GSK3B: variants seen among roughly 807,000 people sequenced by gnomAD.
The protein encoded by GSK3B is glycogen synthase kinase 3 beta, also known as glycogen synthase kinase-3 beta.
GSK3B carries 15 observed loss-of-function variants against 56.4 expected under a neutral mutation model. The observed-to-expected ratio is 0.27, with a 90% CI of 0.18 to 0.41. The LOEUF (loss-of-function observed/expected upper bound fraction) is 0.41, where lower values mean the gene tolerates loss of function less well. GSK3B is among the 10% of genes least tolerant of loss of function. The pLI, the probability that GSK3B is intolerant of heterozygous loss-of-function variation, is 1.00. For synonymous variants in GSK3B, 181 were observed against 188.9 expected (o/e 0.96, Z 0.34); for missense variants, 300 against 513.4 (o/e 0.58, Z 4.02).
chr3:119,917,541 A>G (rs2056793478), intron 4 of GSK3B, among the ~76,000 whole-genome samples: 1 of 152,092 alleles, frequency 6.6e-6, no homozygotes, highest in Non-Finnish European at 1.5e-5. Flanking sequence ...CATTACCACT[A>G]AAAAGATAAC....
At chr3:119,877,471 A>C (rs930640034) in intron 7 of GSK3B, among the ~76,000 whole-genome samples, 3 of 152,154 alleles carry the variant, frequency 2.0e-5, no homozygotes, top group African/African-American at 7.2e-5. Context: ...ATTCTTCATT[A>C]ATGTATTTTT....
chr3:119,946,143 T>C (rs1033244756), intron 3 of GSK3B, among the ~76,000 whole-genome samples: 1 of 151,480 alleles, frequency 6.6e-6, no homozygotes, highest in Non-Finnish European at 1.5e-5. Context: ...TTGCTAACTA[T>C]AGTTGTTAAA....
At chr3:120,091,392 G>A (rs1294608271) in intron 1 of GSK3B, among the ~76,000 whole-genome samples, 2 of 151,980 alleles carry the variant, frequency 1.3e-5, no homozygotes, top group Non-Finnish European at 2.9e-5. Flanking sequence ...TATGGTAATC[G>A]GAATTAAACA....
chr3:119,862,085 T>G (rs1194107582), intron 9 of GSK3B, among the ~76,000 whole-genome samples: 1 of 149,748 alleles, frequency 6.7e-6, no homozygotes, highest in Non-Finnish European at 1.5e-5. Flanking sequence ...AAAATAAAAG[T>G]CTTCTTTTTT....
chr3:119,996,582 T>C (rs1296946977), intron 2 of GSK3B, among the ~76,000 whole-genome samples: 1 of 151,316 alleles, frequency 6.6e-6, no homozygotes, highest in African/African-American at 2.4e-5. Context: ...CCAATATAAA[T>C]AGTTTTATTT....
chr3:119,948,965 G>A (rs2057128763), intron 2 of GSK3B, among the ~76,000 whole-genome samples: 1 of 152,136 alleles, frequency 6.6e-6, no homozygotes, highest in South Asian at 2.1e-4. Flanking sequence ...GCCTCCCAAA[G>A]TGCTGGGATT....
intron 1 of GSK3B, among the ~76,000 whole-genome samples, chr3:120,056,822 A>C (rs967757227): frequency 1.3e-5 from 2 of 152,184 alleles, no homozygotes; most frequent in African/African-American, 4.8e-5. Flanking sequence ...AGCATAATAC[A>C]CAAGGGGCCA....
intron 1 of GSK3B, among the ~76,000 whole-genome samples, chr3:120,031,363 A>T (rs896869886): frequency 2.0e-5 from 3 of 152,220 alleles, no homozygotes; most frequent in Non-Finnish European, 1.5e-5. Context: ...AAATCCCTTT[A>T]ATACTGGTTA....
intron 9 of GSK3B, among the ~76,000 whole-genome samples, chr3:119,854,612 A>C (rs2055990461): frequency 6.6e-6 from 1 of 152,170 alleles, no homozygotes; most frequent in East Asian, 1.9e-4. Flanking sequence ...TTATTGGTCT[A>C]TTCAGGGATT....
intron 4 of GSK3B, among the ~76,000 whole-genome samples, chr3:119,919,516 T>TA (rs2056815790): frequency 9.9e-5 from 5 of 50,494 alleles, no homozygotes; most frequent in African/African-American, 4.1e-4. Flanking sequence ...TGTGGTTACA[T>TA]AAGAAAAAAA....
At chr3:120,078,723 T>C (rs1318700973) in intron 1 of GSK3B, among the ~76,000 whole-genome samples, 1 of 149,928 alleles carries the variant, frequency 6.7e-6, no homozygotes, top group Admixed American at 6.7e-5. Context: ...CAGCTAATTT[T>C]TGTATTTTTA....
rs765195146 is a variant in GSK3B at position 120,093,435 on chromosome 3, G to A, written c.-1C>T. Reference sequence around the variant, plus strand: ...AGGTGGTTCTGGGCCGCCCTGACATGATCACTCTCTTCGCGAATCACCTTT... The same window carrying A: ...AGGTGGTTCTGGGCCGCCCTGACATAATCACTCTCTTCGCGAATCACCTTT... On this transcript the variant is annotated 5_prime_UTR_variant, in exon 1 of 11. Coordinates refer to ENST00000264235, the MANE Select transcript of GSK3B (RefSeq NM_001146156.2). 22 of 1,602,856 alleles carry A rather than the reference G, an allele frequency of 1.4e-5. No homozygotes were observed. Among genetic ancestry groups the A allele is most frequent in the South Asian group, 6.6e-5 (6 of 90,836 alleles).
intron 7 of GSK3B, among the ~76,000 whole-genome samples, chr3:119,899,707 A>G (rs1446626963): frequency 6.6e-6 from 1 of 152,168 alleles, no homozygotes; most frequent in Non-Finnish European, 1.5e-5. Flanking sequence ...CAAAAAATTG[A>G]AAGCAACTAC....
chr3:119,925,618 C>A (rs2056882663), intron 3 of GSK3B, among the ~76,000 whole-genome samples: 1 of 152,128 alleles, frequency 6.6e-6, no homozygotes, highest in Non-Finnish European at 1.5e-5. Context: ...GGTCATTGCT[C>A]CAGAATTTTT....
intron 10 of GSK3B, among the ~76,000 whole-genome samples, chr3:119,832,072 T>C (rs1380739212): frequency 6.6e-6 from 1 of 152,244 alleles, no homozygotes. Flanking sequence ...TAATAGGATA[T>C]TCCAGAAATA....
At chr3:119,966,715 CTAGA>C (rs2057321675) in intron 2 of GSK3B, among the ~76,000 whole-genome samples, 2 of 152,268 alleles carry the variant, frequency 1.3e-5, no homozygotes, top group South Asian at 4.2e-4. Context: ...CATTCCCTAT[CTAGA>C]TAGATTTTTT....
At chr3:120,012,870 A>G (rs915563733) in intron 1 of GSK3B, among the ~76,000 whole-genome samples, 61 of 152,000 alleles carry the variant, frequency 4.0e-4, no homozygotes, top group African/African-American at 1.4e-3. Context: ...TTTTGGAGAG[A>G]CAGGGTCTCA....
intron 1 of GSK3B, among the ~76,000 whole-genome samples, chr3:120,061,482 C>A (rs907040817): frequency 6.6e-6 from 1 of 152,122 alleles, no homozygotes; most frequent in African/African-American, 2.4e-5. Context: ...ACATCATCAT[C>A]ATTTGTAATC....
chr3:120,013,352 G>C (rs1247571555), intron 1 of GSK3B, among the ~76,000 whole-genome samples: 1 of 152,134 alleles, frequency 6.6e-6, no homozygotes, highest in Non-Finnish European at 1.5e-5. Context: ...CTTGTTTTAA[G>C]GAGACTAGTT....
Sources: allele counts gnomAD v4.1 joint callset (sites outside exome capture counted in the v4.1 genomes callset), GRCh38; gene constraint gnomAD v4.1.1; transcripts MANE v1.5; gene names NCBI Gene and HGNC (gene_info 2026-07-23, HGNC 2026-07-21).